ARID2: variants seen among roughly 807,000 people sequenced by gnomAD.
ARID2 encodes AT-rich interactive domain-containing protein 2.
A neutral mutation model predicts 184.6 loss-of-function variants in ARID2; 32 were observed. The ratio of observed to expected loss-of-function variants is 0.17; its 90% CI spans 0.13 to 0.23. The LOEUF is 0.23. Ranked by LOEUF, ARID2 falls within the 10% of genes least tolerant of loss-of-function variation. ARID2 has a pLI of 1.00. For missense variants in ARID2, 1,696 were observed against 2,197.6 expected (o/e 0.77, Z 4.56); for synonymous variants, 836 against 772.6 (o/e 1.08, Z -1.36).
At chr12:45,853,760 G>A (rs888153604) in intron 15 of ARID2, among the ~76,000 whole-genome samples, 1 of 152,134 alleles carries the variant, frequency 6.6e-6, no homozygotes. Context: ...ACACAGTTCT[G>A]GCTTGGGCTT....
chr12:45,753,247 G>GT (rs1941500597), intron 3 of ARID2, among the ~76,000 whole-genome samples: 1 of 151,878 alleles, frequency 6.6e-6, no homozygotes, highest in Non-Finnish European at 1.5e-5. Context: ...AGTGAGCTAA[G>GT]ATTGTGCCAG....
intron 4 of ARID2, among the ~76,000 whole-genome samples, chr12:45,816,081 C>A (rs1263074479): frequency 1.3e-5 from 2 of 152,196 alleles, no homozygotes; most frequent in African/African-American, 2.4e-5. Context: ...AAGGTCTAAA[C>A]TGCCCCGTTA....
At chr12:45,869,869 C>A (rs930900548) in intron 16 of ARID2, among the ~76,000 whole-genome samples, 1 of 151,994 alleles carries the variant, frequency 6.6e-6, no homozygotes, top group Non-Finnish European at 1.5e-5. Flanking sequence ...TGTGACAGAG[C>A]AAGATTCCAC....
chr12:45,891,979 T>C, intron 17 of ARID2, 32 bp from the exon 18 acceptor site: 1 of 1,614,070 alleles, frequency 6.2e-7, no homozygotes, highest in Non-Finnish European at 8.5e-7. Flanking sequence ...GATTTTGACG[T>C]GCCATTCTCT....
At chr12:45,809,114 T>C (rs929551482) in intron 3 of ARID2, among the ~76,000 whole-genome samples, 1 of 152,216 alleles carries the variant, frequency 6.6e-6, no homozygotes, top group African/African-American at 2.4e-5. Flanking sequence ...TAACAACTTA[T>C]GAAGAGCATC....
Position 45,907,929 on chromosome 12 carries a change from T to C in ARID2, c.*2851T>C, listed in dbSNP as rs1316595705. ...AGTCAGGATTGTGACTATATATTAA[T>C]GAGACTCAGTAATCCAACCCACACC... On this transcript the variant is annotated 3_prime_UTR_variant, in exon 21 of 21. Transcript: ENST00000334344. The C allele has an allele frequency of 3.0e-5, 7 of 231,502 alleles. No individual in the cohort carries two copies. In the East Asian group the frequency reaches 3.7e-4, roughly 12 times the overall value. 14.3% of individuals were successfully genotyped at this position (231,502 alleles called of 1,614,324 possible).
intron 11 of ARID2, among the ~76,000 whole-genome samples, chr12:45,845,205 G>A (rs1943420004): frequency 6.6e-6 from 1 of 152,040 alleles, no homozygotes; most frequent in Admixed American, 6.6e-5. Flanking sequence ...ATTCATTCAG[G>A]AAATTTCAGT....
intron 3 of ARID2, among the ~76,000 whole-genome samples, chr12:45,795,475 A>T (rs1179341194): frequency 6.6e-6 from 1 of 151,672 alleles, no homozygotes; most frequent in East Asian, 1.9e-4. Context: ...TCTGTCGCCC[A>T]GGCTGGAGTG....
intron 6 of ARID2, among the ~76,000 whole-genome samples, chr12:45,825,984 G>A (rs1452733233): frequency 3.9e-5 from 6 of 151,954 alleles, no homozygotes; most frequent in South Asian, 4.2e-4. Context: ...GGTTTCTAAC[G>A]TATATTCCCA....
chr12:45,830,509 A>T (rs1327758793), intron 6 of ARID2, among the ~76,000 whole-genome samples: 2 of 152,156 alleles, frequency 1.3e-5, no homozygotes, highest in Admixed American at 6.6e-5. Flanking sequence ...TAGATCTTCA[A>T]AGTTTTCACC....
At chr12:45,731,357 C>A in intron 3 of ARID2, 43 bp downstream of exon 3, 1 of 1,404,610 alleles carries the variant, frequency 7.1e-7, no homozygotes, top group Non-Finnish European at 1.0e-6. Context: ...AAATAAGGGA[C>A]TTATGGAGAG....
Position 45,905,940 on chromosome 12 carries a change from C to CTTTTTTTT in ARID2, c.*866_*873dup, listed in dbSNP as rs1362533296. On this transcript the variant is annotated 3_prime_UTR_variant, in exon 21 of 21. Coordinates refer to ENST00000334344, the MANE Select transcript of ARID2 (RefSeq NM_152641.4). Reference sequence around the variant, plus strand: ...GAACTGTGATTTTTTTTTCTTTTTTCTTTTTTTTTTTCTTTTTTTTTTTGT... The same window carrying CTTTTTTTT: ...GAACTGTGATTTTTTTTTCTTTTTTCTTTTTTTTTTTTTTTTTTTCTTTTTTTTTTTGT... The CTTTTTTTT allele has an allele frequency of 4.2e-4, 70 of 166,942 alleles. No homozygotes were observed. The highest frequency in any genetic ancestry group is 1.8e-3 in the African/African-American group (63 of 35,854). 10.3% of individuals were successfully genotyped at this position (166,942 alleles called of 1,614,324 possible).
chr12:45,849,021 C>A, intron 13 of ARID2, 51 bp downstream of exon 13: 1 of 1,552,658 alleles, frequency 6.4e-7, no homozygotes, highest in South Asian at 1.2e-5. Context: ...CTTACAACAT[C>A]TCTTGCTCTT....
intron 3 of ARID2, among the ~76,000 whole-genome samples, chr12:45,737,538 T>C (rs960235392): frequency 2.6e-5 from 4 of 151,402 alleles, no homozygotes; most frequent in African/African-American, 9.7e-5. Flanking sequence ...AGATTTAATA[T>C]TTTAGGCATA....
intron 6 of ARID2, among the ~76,000 whole-genome samples, chr12:45,833,572 AT>A (rs2138119353): frequency 6.6e-6 from 1 of 152,128 alleles, no homozygotes; most frequent in East Asian, 1.9e-4. Context: ...GAACTTTGGC[AT>A]TTTTCCAGAA....
chr12:45,838,993 G>A (rs1943278292), intron 10 of ARID2, among the ~76,000 whole-genome samples: 1 of 150,964 alleles, frequency 6.6e-6, no homozygotes, highest in Non-Finnish European at 1.5e-5. Context: ...AGCCTTCCGA[G>A]TAGCTGGGAC....
chr12:45,786,455 A>G (rs1443854028), intron 3 of ARID2, among the ~76,000 whole-genome samples: 2 of 152,250 alleles, frequency 1.3e-5, no homozygotes, highest in Non-Finnish European at 2.9e-5. Context: ...GGATGATATT[A>G]ACAAGGATAG....
rs567203610 is a variant in ARID2 at position 45,795,452 on chromosome 12, G to A, written c.285-15966G>A. Among the ~76,000 whole-genome samples the A allele has an allele frequency of 1.7e-3, 261 of 150,588 alleles. 1 individual carries two copies. The highest frequency in any genetic ancestry group is 6.1e-3 in the African/African-American group (248 of 40,936). On this transcript the variant is annotated intron_variant, in intron 3 of 20. Coordinates refer to ENST00000334344, the MANE Select transcript of ARID2 (RefSeq NM_152641.4). ...CTTTTTCTTTTTTATTTTTTTTTTA[G>A]ACGGAGTCTCGCTCTGTCGCCCAGG...
At chr12:45,740,606 GAC>G (rs1219640491) in intron 3 of ARID2, among the ~76,000 whole-genome samples, 1 of 152,056 alleles carries the variant, frequency 6.6e-6, no homozygotes, top group Non-Finnish European at 1.5e-5. Flanking sequence ...TGTAACAATG[GAC>G]AGTTATTACA....
Sources: allele counts gnomAD v4.1 joint callset (sites outside exome capture counted in the v4.1 genomes callset), GRCh38; gene constraint gnomAD v4.1.1; transcripts MANE v1.5; gene names NCBI Gene and HGNC (gene_info 2026-07-23, HGNC 2026-07-21).